Variants in EPN2 observed in about 807,000 individuals in gnomAD.
The protein encoded by EPN2 is epsin 2, also known as epsin-2.
In EPN2, 34 loss-of-function variants were observed where a neutral mutation model predicts 61.7. That is an observed-to-expected ratio of 0.55 (90% CI 0.42 to 0.73). The LOEUF (loss-of-function observed/expected upper bound fraction) is 0.73. Among genes scored for constraint, EPN2 ranks in the 30% least tolerant of loss-of-function variants. EPN2 has a pLI of 0.00. For missense variants in EPN2, 714 were observed against 839.2 expected, an observed-to-expected ratio of 0.85 and a Z score of 1.84; for synonymous variants, 349 against 353.6, an observed-to-expected ratio of 0.99 and a Z score of 0.15.
intron 4 of EPN2, chr17:19,296,793 G>A (rs948396575): frequency 6.6e-6 from 1 of 152,216 alleles, no homozygotes; most frequent in African/African-American, 2.4e-5. Flanking sequence ...ATTTTTAGTA[G>A]AGACGAGGTC....
At chr17:19,268,188 C>T (rs757941712) in intron 1 of EPN2, among the ~76,000 whole-genome samples, 7 of 152,180 alleles carry the variant, frequency 4.6e-5, no homozygotes, top group Non-Finnish European at 1.0e-4. Flanking sequence ...TTGTCCTTGT[C>T]TTCTCAGGAG....
At chr17:19,244,583 C>T (rs1428665513) in intron 1 of EPN2, among the ~76,000 whole-genome samples, 1 of 152,166 alleles carries the variant, frequency 6.6e-6, no homozygotes, top group East Asian at 1.9e-4. Flanking sequence ...CTTCTCCTCC[C>T]TGCAGCAATT....
In EPN2 at chr17:19,313,218, G is replaced by T. The variant is rs1202425511; in HGVS notation, c.1086G>T (p.Gln362His). 6.2e-7 allele frequency: 1 copy of T among 1,603,804 alleles called. No individual in the cohort carries two copies. Among genetic ancestry groups the T allele is most frequent in the Non-Finnish European group, 8.5e-7 (1 of 1,176,614 alleles). Reference protein sequence around the residue: ...EPWGPSASTNQTNPWGGPAAP... With the variant: ...EPWGPSASTNHTNPWGGPAAP... ...GGGGCCCGTCAGCCTCCACTAACCA[G>T]ACCAACCCCTGGGGCGGGCCAGCGG... Residue 362 changes from glutamine to histidine, a missense_variant, in exon 7 of 11, where the codon CAG (glutamine) becomes CAT (histidine). This residue lies in a region of EPN2 where 410 missense variants were observed against 421.8 expected (regional missense o/e 0.97). Coordinates refer to ENST00000314728, the MANE Select transcript of EPN2 (RefSeq NM_014964.5).
At chr17:19,327,986 C>G (rs1941377660) in intron 7 of EPN2, among the ~76,000 whole-genome samples, 2 of 152,180 alleles carry the variant, frequency 1.3e-5, no homozygotes, top group Admixed American at 6.5e-5. Flanking sequence ...CATAAAGATG[C>G]ACATCACAGC....
chr17:19,286,036 T>C (rs914587036), intron 4 of EPN2, among the ~76,000 whole-genome samples: 1 of 152,202 alleles, frequency 6.6e-6, no homozygotes, highest in Admixed American at 6.5e-5. Flanking sequence ...AGCTGTTCTT[T>C]GGGTAAGGCA....
intron 4 of EPN2, among the ~76,000 whole-genome samples, chr17:19,291,325 C>T (rs1295010756): frequency 4.6e-5 from 7 of 151,652 alleles, no homozygotes; most frequent in Admixed American, 4.6e-4. Context: ...GCCAGGCCTT[C>T]GGGCCATGCC....
At chr17:19,291,597 C>T (rs1325967660) in intron 4 of EPN2, among the ~76,000 whole-genome samples, 4 of 152,212 alleles carry the variant, frequency 2.6e-5, no homozygotes, top group Admixed American at 6.5e-5. Context: ...GCCACTGCGC[C>T]CGGCTAATTT....
intron 5 of EPN2, 64 bp downstream of exon 5, chr17:19,310,061 C>T: frequency 8.4e-7 from 1 of 1,193,270 alleles, no homozygotes; most frequent in East Asian, 2.4e-5. Flanking sequence ...GTGTGGCTCA[C>T]TGGGAAGAAG....
chr17:19,314,027 G>C (rs1365525249), intron 7 of EPN2, among the ~76,000 whole-genome samples: 1 of 152,160 alleles, frequency 6.6e-6, no homozygotes, highest in Non-Finnish European at 1.5e-5. Flanking sequence ...TGTATATCTT[G>C]TGGCATCTTG....
At chr17:19,254,517 G>C (rs991244639) in intron 1 of EPN2, among the ~76,000 whole-genome samples, 3 of 152,108 alleles carry the variant, frequency 2.0e-5, no homozygotes, top group Admixed American at 6.5e-5. Flanking sequence ...CTCCATCTTG[G>C]GGGACAGAGC....
At chr17:19,282,506 C>T (rs1351672549) in intron 2 of EPN2, 1 of 151,996 alleles carries the variant, frequency 6.6e-6, no homozygotes, top group East Asian at 1.9e-4. Context: ...GGGGGTATTG[C>T]TGTTTTGACC....
intron 1 of EPN2, among the ~76,000 whole-genome samples, chr17:19,272,976 C>T (rs1279336172): frequency 3.9e-5 from 6 of 152,208 alleles, no homozygotes; most frequent in Non-Finnish European, 5.9e-5. Flanking sequence ...ACAGGCTGCT[C>T]CTCCCAGAGA....
intron 7 of EPN2, 200 bp downstream of exon 7, chr17:19,313,479 G>T: frequency 2.3e-6 from 1 of 443,058 alleles, no homozygotes; most frequent in Non-Finnish European, 3.9e-6. Flanking sequence ...TCTTTGTTTT[G>T]AGTGGTTTTC....
rs534180220 is a variant in EPN2 at position 19,247,708 on chromosome 17, C to CA, written c.-294+10178dup. Among the ~76,000 whole-genome samples the CA allele has an allele frequency of 6.7e-5, 10 of 148,520 alleles. No homozygotes were observed. In the South Asian group the frequency reaches 2.1e-3, roughly 31 times the overall value. On this transcript the variant is annotated intron_variant, in intron 1 of 10. Coordinates refer to ENST00000314728, the MANE Select transcript of EPN2 (RefSeq NM_014964.5). ...GTTTGGTTTTCTGGGTAGTAGGGAG[C>CA]AGGGTAGGTCTTGAGTGGGTGCCAC... is the stretch of plus-strand genomic sequence containing the variant.
chr17:19,332,618 C>G (rs1038686954), intron 10 of EPN2, among the ~76,000 whole-genome samples: 2 of 152,210 alleles, frequency 1.3e-5, no homozygotes, highest in Non-Finnish European at 2.9e-5. Flanking sequence ...CTCCTCTTCC[C>G]TTCCTGTGTG....
chr17:19,262,590 C>A (rs2045153838), intron 1 of EPN2, among the ~76,000 whole-genome samples: 1 of 152,018 alleles, frequency 6.6e-6, no homozygotes, highest in East Asian at 1.9e-4. Flanking sequence ...TTTATTACCC[C>A]CAAAAGCAAC....
At position 19,252,828 on chromosome 17, in the gene EPN2, T is replaced by C. The variant is rs535384407; in HGVS notation, c.-294+15297T>C. ...CCTCAGCCTCCTGAGCAGCTGGGGC[T>C]ACAGGTGCGTGTCACCATCGCCGGC... On this transcript the variant is annotated intron_variant, in intron 1 of 10. Transcript: ENST00000314728. Among the ~76,000 whole-genome samples the C allele has an allele frequency of 2.6e-5, 4 of 152,308 alleles. No individual in the cohort carries two copies. The South Asian group carries it at 8.3e-4, about 32-fold the overall frequency.
chr17:19,283,463 A>C lies in EPN2; in HGVS notation c.344A>C (p.Asp115Ala). 6 of 1,614,214 alleles carry C rather than the reference A, an allele frequency of 3.7e-6. No homozygotes were observed. The highest frequency in any genetic ancestry group is 5.1e-6 in the Non-Finnish European group (6 of 1,180,036). The part of the protein sequence containing the change: ...TLKDFQYIDR[D>A]GKDQGINVRE... Reference sequence around the variant, plus strand: ...AAGGACTTCCAGTACATTGACCGAGATGGCAAGGACCAGGGCATCAATGTG... The same window carrying C: ...AAGGACTTCCAGTACATTGACCGAGCTGGCAAGGACCAGGGCATCAATGTG... The change falls in exon 3 of 11, where the codon GAT becomes GCT. Residue 115 changes from aspartate (D) to alanine (A), a missense_variant. Asp to Ala is a moderately radical substitution (Grantham distance 126). This residue lies in a region of EPN2 where 304 missense variants were observed against 417.4 expected (regional missense o/e 0.73). Transcript: ENST00000314728. The surrounding 1 kb of genome is among the most constrained non-coding windows in gnomAD (Gnocchi z 7.0).
intron 4 of EPN2, chr17:19,308,447 A>C (rs547957113): frequency 7.1e-6 from 7 of 985,390 alleles, no homozygotes; most frequent in Non-Finnish European, 7.2e-6. Context: ...CGACCTGTGC[A>C]TGCACCTGTC....
Sources: gnomAD v4.1 joint callset for allele counts (sites outside exome capture counted in the v4.1 genomes callset) on GRCh38, gnomAD v4.1.1 for gene constraint, gnomAD v4.1.1 regional missense constraint, Gnocchi (gnomAD v3.1) non-coding constraint, MANE v1.5 for transcripts, NCBI Gene and HGNC (gene_info 2026-07-23, HGNC 2026-07-21) for gene names.